UQCRC2: variants seen among roughly 807,000 people sequenced by gnomAD.
UQCRC2 encodes the protein ubiquinol-cytochrome c reductase core protein 2.
Under a neutral mutation model 55.6 loss-of-function variants are expected in UQCRC2, and 49 were observed. The observed-to-expected ratio is 0.88, with a 90% CI of 0.70 to 1.12. The LOEUF (loss-of-function observed/expected upper bound fraction) is 1.12. Ranked by LOEUF, UQCRC2 falls within the 50% of genes most tolerant of loss-of-function variation. UQCRC2 has a pLI of 0.00. For missense variants in UQCRC2, 506 were observed against 547.8 expected, an observed-to-expected ratio of 0.92 and a Z score of 0.76; for synonymous variants, 193 against 192.0, an observed-to-expected ratio of 1.01 and a Z score of -0.04.
chr16:21,976,077 C>G (rs779696547), intron 11 of UQCRC2, 90 bp from the exon 12 acceptor site: 12 of 804,022 alleles, frequency 1.5e-5, no homozygotes, highest in Non-Finnish European at 2.5e-5. Context: ...AACCTTCCAT[C>G]TGTGTTTTTG....
intron 9 of UQCRC2, 135 bp downstream of exon 9, chr16:21,971,755 A>G: frequency 7.6e-7 from 1 of 1,317,942 alleles, no homozygotes; most frequent in East Asian, 2.4e-5. Context: ...TGGGTGTTGT[A>G]TTTTGAGCAT....
intron 11 of UQCRC2, among the ~76,000 whole-genome samples, chr16:21,974,494 T>C (rs1371049677): frequency 1.3e-5 from 2 of 152,130 alleles, no homozygotes; most frequent in African/African-American, 4.8e-5. Context: ...TGACCCACAG[T>C]GAAATAACAT....
At chr16:21,969,311 A>G (rs1027893238) in intron 8 of UQCRC2, among the ~76,000 whole-genome samples, 18 of 152,090 alleles carry the variant, frequency 1.2e-4, no homozygotes, top group Non-Finnish European at 2.4e-4. Flanking sequence ...AGGCGGGCGG[A>G]TCACCTGAGG....
rs775321046 is a variant in UQCRC2, at chr16:21,980,705, G to A, written c.1278+5G>A. On this transcript the variant is annotated splice_donor_5th_base_variant and intron_variant, in intron 13 of 13. Transcript: ENST00000268379. Reference sequence around the variant, plus strand: ...GCTAATGCTGATATCATAAATGTAAGTAAATGAAAACTTAACGATTTAACA... The same window carrying A: ...GCTAATGCTGATATCATAAATGTAAATAAATGAAAACTTAACGATTTAACA... 2 of 1,611,630 alleles carry A rather than the reference G, an allele frequency of 1.2e-6. No individual in the cohort carries two copies. The highest frequency in any genetic ancestry group is 8.5e-7 in the Non-Finnish European group (1 of 1,179,264).
At position 21,971,073 on chromosome 16, in the gene UQCRC2, A is replaced by G. The variant is rs1025755243; in HGVS notation, c.671-452A>G. On this transcript the variant is annotated intron_variant, in intron 8 of 13. Coordinates refer to ENST00000268379, the MANE Select transcript of UQCRC2 (RefSeq NM_003366.4). The stretch of plus-strand genomic sequence containing the variant: ...TTGATACAGTGTTCTTTGATGGACA[A>G]TGCAATGTTGTTTTAAGAGCTAACT... Among the ~76,000 whole-genome samples, 45 of 152,132 alleles carry G rather than the reference A, an allele frequency of 3.0e-4. 1 individual carries two copies. The highest frequency in any genetic ancestry group is 2.9e-5 in the Non-Finnish European group (2 of 68,018).
rs754265394 is a variant in UQCRC2 at position 21,971,569 on chromosome 16, A to G, written c.715A>G (p.Asn239Asp). ...AAAGCAAGTTGCTGAACAGTTTCTC[A>G]ACATGAGGGGTGGGCTTGGTTTATC... ...VLKQVAEQFL[N>D]MRGGLGLSGA... Residue 239 changes from asparagine to aspartate, a missense_variant, in exon 9 of 14, where the codon AAC becomes GAC. Transcript: ENST00000268379. The G allele has an allele frequency of 1.9e-6, 3 of 1,614,050 alleles. No homozygotes were observed. In the South Asian group the frequency reaches 3.3e-5, roughly 18 times the overall value.
At chr16:21,967,227 A>G (rs1437018120) in intron 7 of UQCRC2, among the ~76,000 whole-genome samples, 1 of 152,236 alleles carries the variant, frequency 6.6e-6, no homozygotes, top group Non-Finnish European at 1.5e-5. Flanking sequence ...AGGTTACTCC[A>G]TAGGTACAGA....
chr16:21,961,030 T>C (rs555303431), intron 4 of UQCRC2, among the ~76,000 whole-genome samples: 2 of 152,102 alleles, frequency 1.3e-5, no homozygotes, highest in Non-Finnish European at 2.9e-5. Context: ...GAGGTCTCAC[T>C]ATGTTGCCCA....
intron 6 of UQCRC2, among the ~76,000 whole-genome samples, chr16:21,963,933 G>A (rs1418799024): frequency 1.3e-5 from 2 of 151,752 alleles, no homozygotes; most frequent in East Asian, 1.9e-4. Context: ...AATCTTTTTT[G>A]CATTCATATT....
chr16:21,974,955 G>C (rs1898547327), intron 11 of UQCRC2, among the ~76,000 whole-genome samples: 2 of 152,140 alleles, frequency 1.3e-5, no homozygotes. Flanking sequence ...GTGAAGTTTG[G>C]GACAGACAAA....
At chr16:21,972,703 C>T (rs181982538) in intron 10 of UQCRC2, among the ~76,000 whole-genome samples, 11 of 151,792 alleles carry the variant, frequency 7.2e-5, no homozygotes, top group African/African-American at 2.4e-4. Flanking sequence ...GGTGAAACCC[C>T]CATCTCTCCT....
Position 21,972,067 on chromosome 16 carries a change from A to C in UQCRC2, c.911A>C (p.Asn304Thr). ...GAGPHVKRGS[N>T]TTSHLHQAVA... is the part of the protein sequence containing the mutation. ...GGGCCACATGTCAAGAGGGGCAGCA[A>C]CACCACCAGCCATCTGCACCAGGCT... Residue 304 changes from asparagine (N) to threonine (T), a missense_variant, in exon 10 of 14, where the codon AAC becomes ACC. Physicochemically the swap from Asn to Thr is moderately conservative, Grantham distance 65. Transcript: ENST00000268379. 6.2e-7 allele frequency: 1 copy of C among 1,614,100 alleles called. No homozygotes were observed. Among genetic ancestry groups the C allele is most frequent in the Non-Finnish European group, 8.5e-7 (1 of 1,179,996 alleles).
intron 7 of UQCRC2, chr16:21,968,353 A>G (rs1001307545): frequency 8.3e-6 from 2 of 242,064 alleles, no homozygotes; most frequent in Non-Finnish European, 1.6e-5. Context: ...AATTCACCAT[A>G]CTATACAACC....
chr16:21,980,398 A>G (rs977608690), intron 12 of UQCRC2, 149 bp from the exon 13 acceptor site: 1 of 795,676 alleles, frequency 1.3e-6, no homozygotes, highest in Admixed American at 2.8e-5. Context: ...AGGGAGTGGC[A>G]TTCTTCTTGG....
At chr16:21,960,005 A>T (rs1322267020) in intron 4 of UQCRC2, among the ~76,000 whole-genome samples, 1 of 152,216 alleles carries the variant, frequency 6.6e-6, no homozygotes, top group East Asian at 1.9e-4. Flanking sequence ...ATTTAGCATA[A>T]TTCCTAAGGG....
intron 11 of UQCRC2, among the ~76,000 whole-genome samples, chr16:21,974,456 A>G (rs1275469723): frequency 6.6e-6 from 1 of 152,260 alleles, no homozygotes; most frequent in Non-Finnish European, 1.5e-5. Flanking sequence ...TTTGAAGGAT[A>G]GGAAAGAGAG....
rs1039822877 is a variant in UQCRC2 at position 21,972,709 on chromosome 16, C to T, written c.966+587C>T. On this transcript the variant is annotated intron_variant, in intron 10 of 13. Coordinates refer to ENST00000268379, the MANE Select transcript of UQCRC2 (RefSeq NM_003366.4). ...GGCCAACGTGGTGAAACCCCCATCT[C>T]TCCTAATCCAATGAAGTAATTTAAT... Among the ~76,000 whole-genome samples the T allele has an allele frequency of 5.9e-5, 9 of 152,120 alleles. 1 individual carries two copies. The highest frequency in any genetic ancestry group is 5.9e-4 in the Admixed American group (9 of 15,270).
chr16:21,961,676 C>CGG (rs1898209780), intron 4 of UQCRC2, among the ~76,000 whole-genome samples: 1 of 73,666 alleles, frequency 1.4e-5, no homozygotes, highest in Non-Finnish European at 3.9e-5. Flanking sequence ...ATATTTTAGA[C>CGG]AGTCTCGCTG....
At chr16:21,964,507 C>G (rs2141933997) in intron 6 of UQCRC2, among the ~76,000 whole-genome samples, 1 of 152,248 alleles carries the variant, frequency 6.6e-6, no homozygotes, top group Middle Eastern at 3.4e-3. Flanking sequence ...TTACTTTATG[C>G]TCTACCCTCT....
Sources: gnomAD v4.1 joint callset for allele counts (sites outside exome capture counted in the v4.1 genomes callset) on GRCh38, gnomAD v4.1.1 for gene constraint, MANE v1.5 for transcripts, NCBI Gene and HGNC (gene_info 2026-07-23, HGNC 2026-07-21) for gene names.